Variants in ZGRF1 observed in about 807,000 individuals in gnomAD.
ZGRF1 encodes 5'-3' DNA helicase ZGRF1.
A neutral mutation model predicts 203.5 loss-of-function variants in ZGRF1; 196 were observed. The observed-to-expected ratio is 0.96, with a 90% CI of 0.86 to 1.08. ZGRF1 has a LOEUF of 1.08. Ranked by LOEUF, ZGRF1 falls within the 50% of genes least tolerant of loss-of-function variation. ZGRF1 has a pLI of 0.00. For synonymous variants in ZGRF1, 809 were observed against 841.3 expected (o/e 0.96, Z 0.66); for missense variants, 2,326 against 2,416.3 (o/e 0.96, Z 0.78).
intron 16 of ZGRF1, among the ~76,000 whole-genome samples, chr4:112,563,862 C>T (rs1462651321): frequency 6.6e-6 from 1 of 152,166 alleles, no homozygotes; most frequent in Non-Finnish European, 1.5e-5. Context: ...GCAGATGGTG[C>T]AAAGGGGCCA....
At position 112,544,092 on chromosome 4, in the gene ZGRF1, A is replaced by G. The variant is rs1443092313; in HGVS notation, c.5599-2824T>C. Among the ~76,000 whole-genome samples the G allele has an allele frequency of 3.3e-5, 5 of 152,196 alleles. No homozygotes were observed. The East Asian group carries it at 9.6e-4, about 29-fold the overall frequency. The stretch of plus-strand genomic sequence containing the variant: ...TACTGACTTGTCATAGAAGAAGTAG[A>G]AAGTTTTGCAATTAAATTCAATTAC... On this transcript the variant is annotated intron_variant, in intron 24 of 27. Transcript: ENST00000505019.
intron 16 of ZGRF1, among the ~76,000 whole-genome samples, chr4:112,568,660 C>T (rs1743628796): frequency 7.4e-6 from 1 of 135,700 alleles, no homozygotes; most frequent in South Asian, 2.4e-4. Flanking sequence ...GCAGTGAGCC[C>T]AGATTGCACC....
At chr4:112,549,315 A>T (rs1739438662) in intron 22 of ZGRF1, among the ~76,000 whole-genome samples, 1 of 152,212 alleles carries the variant, frequency 6.6e-6, no homozygotes, top group Admixed American at 6.5e-5. Flanking sequence ...TGAATTTTCT[A>T]ATTAGATGTA....
chr4:112,557,385 A>G (rs1246562942), intron 20 of ZGRF1, among the ~76,000 whole-genome samples: 1 of 151,998 alleles, frequency 6.6e-6, no homozygotes. Context: ...ATGTTGGCCA[A>G]GCTGGTGTTG....
At chr4:112,623,373 A>G (rs1234836822) in intron 4 of ZGRF1, among the ~76,000 whole-genome samples, 1 of 152,220 alleles carries the variant, frequency 6.6e-6, no homozygotes, top group Admixed American at 6.5e-5. Flanking sequence ...GTATATACCC[A>G]GTTATAGTAC....
chr4:112,582,916 A>T (rs551259487), intron 15 of ZGRF1, among the ~76,000 whole-genome samples: 1 of 152,268 alleles, frequency 6.6e-6, no homozygotes, highest in South Asian at 2.1e-4. Context: ...TTGATTCCAT[A>T]TCTTGGCTAT....
chr4:112,621,710 T>C (rs759986610), intron 4 of ZGRF1, among the ~76,000 whole-genome samples: 2 of 144,100 alleles, frequency 1.4e-5, no homozygotes, highest in Non-Finnish European at 3.0e-5. Flanking sequence ...TATATCAGAT[T>C]AATATTTTAC....
rs912577102 is a variant in ZGRF1 at position 112,539,515 on chromosome 4, A to T, written c.*32T>A. The T allele has an allele frequency of 9.4e-7, 1 of 1,069,218 alleles. No homozygotes were observed. The highest frequency in any genetic ancestry group is 1.4e-6 in the Non-Finnish European group (1 of 730,312). The allele number at this position is 1,069,218 out of a possible 1,614,324, so 66.2% of individuals were successfully genotyped here. A position where few individuals can be genotyped will look rare whatever the true frequency, so the allele number is the denominator to read the frequency against. Reference sequence around the variant, plus strand: ...TATCATGTAAAATGAGTCTGAATTTACATAAATACAAAATATTTACACCAT... The same window carrying T: ...TATCATGTAAAATGAGTCTGAATTTTCATAAATACAAAATATTTACACCAT... On this transcript the variant is annotated 3_prime_UTR_variant, in exon 28 of 28. Coordinates refer to ENST00000505019, the MANE Select transcript of ZGRF1 (RefSeq NM_018392.5).
intron 3 of ZGRF1, among the ~76,000 whole-genome samples, chr4:112,627,704 C>A (rs968684036): frequency 1.3e-5 from 2 of 152,232 alleles, no homozygotes; most frequent in Admixed American, 6.5e-5. Flanking sequence ...CGTGCCACTG[C>A]ACTCCAGCCT....
chr4:112,612,097 C>T (rs539989094), intron 7 of ZGRF1, among the ~76,000 whole-genome samples: 11 of 152,154 alleles, frequency 7.2e-5, no homozygotes, highest in African/African-American at 2.4e-4. Context: ...TCCCAAGTAG[C>T]TGAGATTACA....
rs2046957288 is a variant in ZGRF1 at position 112,618,426 on chromosome 4, G to A, written c.1616C>T (p.Thr539Ile). 1 of 1,613,704 alleles carries A rather than the reference G, an allele frequency of 6.2e-7. No homozygotes were observed. Among genetic ancestry groups the A allele is most frequent in the Admixed American group, 1.7e-5 (1 of 60,000 alleles). The change falls in exon 6 of 28, where the codon ACC becomes ATC. Residue 539 changes from threonine (T) to isoleucine (I), a missense_variant. Thr to Ile is a moderately conservative substitution (Grantham distance 89). Transcript: ENST00000505019. ...CTGTGATTCCTCCTCAGTGTCACTG[G>A]TCTCAAAATTGTTCAGATTAAAAGT... is the stretch of plus-strand genomic sequence containing the variant. ...EVTFNLNNFE[T>I]SDTEEESQES...
chr4:112,543,804 C>T (rs527758135), intron 24 of ZGRF1, among the ~76,000 whole-genome samples: 1 of 152,246 alleles, frequency 6.6e-6, no homozygotes, highest in African/African-American at 2.4e-5. Context: ...AACCATATGA[C>T]TATATTACCT....
intron 16 of ZGRF1, chr4:112,565,465 T>C: frequency 2.8e-6 from 2 of 719,000 alleles, no homozygotes; most frequent in African/African-American, 1.8e-5. Flanking sequence ...TTCTTCCTGT[T>C]ATTGGTAGTT....
intron 20 of ZGRF1, among the ~76,000 whole-genome samples, chr4:112,556,991 A>T (rs1408243178): frequency 6.6e-6 from 1 of 152,186 alleles, no homozygotes; most frequent in Admixed American, 6.5e-5. Flanking sequence ...TAATAGTCTT[A>T]TGCAATCACA....
At chr4:112,635,707 T>C (rs1421624126) in intron 1 of ZGRF1, among the ~76,000 whole-genome samples, 18 of 151,050 alleles carry the variant, frequency 1.2e-4, no homozygotes, top group Admixed American at 1.2e-3. Flanking sequence ...ATACTATGTA[T>C]CAGGCAGGAA....
rs1462366221 is a variant in ZGRF1, at chr4:112,618,136, C to G, written c.1906G>C (p.Glu636Gln). Residue 636 changes from glutamate to glutamine, a missense_variant, in exon 6 of 28, where the codon GAG (glutamate) becomes CAG (glutamine). Coordinates refer to ENST00000505019, the MANE Select transcript of ZGRF1 (RefSeq NM_018392.5). ...CKTENTGKEI[E>Q]EYSDTLSNFE... ...TTGCTTAATGTGTCACTATACTCCTCTATTTCTTTTCCTGTGTTTTCAGTT... is the reference window on the plus strand; with the variant it reads ...TTGCTTAATGTGTCACTATACTCCTGTATTTCTTTTCCTGTGTTTTCAGTT... 1.5e-5 allele frequency: 24 copies of G among 1,613,864 alleles called. No individual in the cohort carries two copies. Among genetic ancestry groups the G allele is most frequent in the Non-Finnish European group, 2.0e-5 (24 of 1,179,862 alleles).
rs1391875702 is a variant in ZGRF1, at chr4:112,578,316, G to A, written c.4438+3347C>T. On this transcript the variant is annotated intron_variant, in intron 16 of 27. Coordinates refer to ENST00000505019, the MANE Select transcript of ZGRF1 (RefSeq NM_018392.5). The stretch of plus-strand genomic sequence containing the variant: ...TAGCACTAAATGCCCACAAGAGAAA[G>A]CAGGAAAGATCTAAAATTGACACCC... 4.9e-5 allele frequency among the ~76,000 whole-genome samples: 6 copies of A among 122,048 alleles called. 2 individuals are homozygous for A. Among genetic ancestry groups the A allele is most frequent in the Non-Finnish European group, 9.1e-5 (5 of 54,782 alleles). The allele number at this position is 122,048 out of a possible 152,430, so 80.1% of individuals were successfully genotyped here.
chr4:112,623,879 G>T lies in ZGRF1; in HGVS notation c.103-3C>A. 6.5e-7 allele frequency: 1 copy of T among 1,536,854 alleles called. No individual in the cohort carries two copies. Among genetic ancestry groups the T allele is most frequent in the Non-Finnish European group, 8.9e-7 (1 of 1,118,580 alleles). On this transcript the variant is annotated splice_polypyrimidine_tract_variant and splice_region_variant and intron_variant, in intron 3 of 27. Coordinates refer to ENST00000505019, the MANE Select transcript of ZGRF1 (RefSeq NM_018392.5). ...CCTTTGTCATCATATAAAATTGCCT[G>T]TATGAAAACAAAATAAATGTTAAAA...
intron 16 of ZGRF1, among the ~76,000 whole-genome samples, chr4:112,563,708 T>C (rs958322811): frequency 8.5e-5 from 13 of 152,216 alleles, no homozygotes; most frequent in Admixed American, 7.2e-4. Context: ...CATAACAAAA[T>C]ATCTTAAATG....
Sources: gnomAD v4.1 joint callset for allele counts (sites outside exome capture counted in the v4.1 genomes callset) on GRCh38, gnomAD v4.1.1 for gene constraint, MANE v1.5 for transcripts, NCBI Gene and HGNC (gene_info 2026-07-23, HGNC 2026-07-21) for gene names.